The following B3GALT1 variants were observed in gnomAD, a reference collection of about 807,000 sequenced individuals.
B3GALT1 encodes the protein UDP-Gal:betaGlcNAc beta 1,3-galactosyltransferase, polypeptide 1.
B3GALT1 carries 10 observed loss-of-function variants against 23.2 expected under a neutral mutation model. The observed-to-expected ratio is 0.43, with a 90% confidence interval of 0.27 to 0.73. The LOEUF is 0.73. Ranked by LOEUF, B3GALT1 falls within the 30% of genes least tolerant of loss-of-function variation. The pLI is 0.21. For missense variants in B3GALT1, 299 were observed against 405.4 expected (o/e 0.74, Z 2.25); for synonymous variants, 156 against 141.5 (o/e 1.10, Z -0.73).
At chr2:167,771,525 C>T (rs1316949729) in intron 3 of B3GALT1, among the ~76,000 whole-genome samples, 3 of 152,252 alleles carry the variant, frequency 2.0e-5, no homozygotes, top group Admixed American at 1.3e-4. Context: ...GAGCCGAGAT[C>T]GCGCCATTGC....
chr2:167,672,735 A>G (rs976698439), intron 3 of B3GALT1, among the ~76,000 whole-genome samples: 4 of 152,188 alleles, frequency 2.6e-5, no homozygotes. Context: ...TGCCTGGTAC[A>G]TAGTAAGTGC....
chr2:167,787,670 C>T (rs1464743602), intron 3 of B3GALT1, among the ~76,000 whole-genome samples: 1 of 152,214 alleles, frequency 6.6e-6, no homozygotes, highest in Non-Finnish European at 1.5e-5. Context: ...TCTATGACCC[C>T]TATCCCAGCA....
chr2:167,640,053 T>C (rs929337077), intron 2 of B3GALT1, among the ~76,000 whole-genome samples: 1 of 152,250 alleles, frequency 6.6e-6, no homozygotes, highest in African/African-American at 2.4e-5. Context: ...CAGGCAATAG[T>C]TTTGTATAAT....
At chr2:167,864,061 T>C (rs1248028931) in intron 4 of B3GALT1, among the ~76,000 whole-genome samples, 1 of 151,992 alleles carries the variant, frequency 6.6e-6, no homozygotes, top group Non-Finnish European at 1.5e-5. Flanking sequence ...GAACCTGCAA[T>C]GTGTTTCTAA....
At chr2:167,707,859 A>G (rs1574224121) in intron 3 of B3GALT1, among the ~76,000 whole-genome samples, 1 of 152,250 alleles carries the variant, frequency 6.6e-6, no homozygotes, top group South Asian at 2.1e-4. Context: ...AACCTGCATT[A>G]TAATTATAAA....
At chr2:167,462,430 A>G (rs376457971) in intron 1 of B3GALT1, among the ~76,000 whole-genome samples, 27 of 152,334 alleles carry the variant, frequency 1.8e-4, no homozygotes, top group African/African-American at 6.5e-4. Context: ...CAAATGTAAT[A>G]AACGATTTCA....
chr2:167,625,564 C>T (rs1685326211), intron 2 of B3GALT1, among the ~76,000 whole-genome samples: 1 of 151,770 alleles, frequency 6.6e-6, no homozygotes, highest in African/African-American at 2.4e-5. Flanking sequence ...AATCAACCCA[C>T]ACCCTGATAT....
At chr2:167,642,433 T>C (rs1472988060) in intron 2 of B3GALT1, among the ~76,000 whole-genome samples, 1 of 152,184 alleles carries the variant, frequency 6.6e-6, no homozygotes, top group East Asian at 1.9e-4. Flanking sequence ...AATTTTATTT[T>C]CTGATTGCCT....
intron 2 of B3GALT1, among the ~76,000 whole-genome samples, chr2:167,514,358 A>G (rs943782579): frequency 6.6e-6 from 1 of 152,234 alleles, no homozygotes; most frequent in African/African-American, 2.4e-5. Context: ...AAATCATTGC[A>G]GTTTTCTATG....
At chr2:167,413,342 A>C (rs529750800) in intron 1 of B3GALT1, among the ~76,000 whole-genome samples, 1 of 152,166 alleles carries the variant, frequency 6.6e-6, no homozygotes, top group Admixed American at 6.5e-5. Flanking sequence ...TTGAGAGACG[A>C]AATTTCATTT....
chr2:167,873,168 ACT>A lies in B3GALT1; in HGVS notation c.*3151_*3152del, dbSNP rs1690384919. 2 of 151,816 alleles carry A rather than the reference ACT, an allele frequency of 1.3e-5. No homozygotes were observed. Among genetic ancestry groups the A allele is most frequent in the African/African-American group, 2.4e-5 (1 of 41,306 alleles). 9.4% of individuals were successfully genotyped at this position (151,816 alleles called of 1,614,324 possible). On this transcript the variant is annotated 3_prime_UTR_variant, in exon 5 of 5. Coordinates refer to ENST00000392690, the MANE Select transcript of B3GALT1 (RefSeq NM_020981.4). The stretch of plus-strand genomic sequence containing the variant: ...AGTCTCTCAGACAATTTTTACAAAA[ACT>A]CTTTTTTTCCATTATGCACTGGATA...
At chr2:167,531,719 G>A (rs372916397) in intron 2 of B3GALT1, among the ~76,000 whole-genome samples, 2 of 151,978 alleles carry the variant, frequency 1.3e-5, no homozygotes, top group East Asian at 1.9e-4. Flanking sequence ...ACTGAGAGTC[G>A]TGTTAACTAT....
chr2:167,621,560 T>C (rs762546614), intron 2 of B3GALT1, among the ~76,000 whole-genome samples: 1 of 152,104 alleles, frequency 6.6e-6, no homozygotes, highest in Non-Finnish European at 1.5e-5. Flanking sequence ...GGAAAACGTA[T>C]TACTTTAGCA....
rs1462400390 is a variant in B3GALT1 at position 167,867,042 on chromosome 2, T to C, written c.-229-1769T>C. 2.0e-5 allele frequency among the ~76,000 whole-genome samples: 3 copies of C among 151,954 alleles called. No homozygotes were observed. In the East Asian group the frequency reaches 5.8e-4, roughly 29 times the overall value. ...CCTGGATTCAGGCCATTCTCCTGCC[T>C]CAGCCTCCCGAGTAGCTGGGACTAC... On this transcript the variant is annotated intron_variant, in intron 4 of 4. Transcript: ENST00000392690.
intron 1 of B3GALT1, among the ~76,000 whole-genome samples, chr2:167,401,854 G>A (rs1341268317): frequency 6.6e-6 from 1 of 152,090 alleles, no homozygotes; most frequent in African/African-American, 2.4e-5. Context: ...ACAGTATTGA[G>A]GACAAGTTTG....
At chr2:167,833,680 G>C (rs1291501604) in intron 4 of B3GALT1, among the ~76,000 whole-genome samples, 1 of 152,134 alleles carries the variant, frequency 6.6e-6, no homozygotes, top group East Asian at 1.9e-4. Flanking sequence ...TCTAAACATA[G>C]TTACTATAAA....
At chr2:167,318,128 A>G (rs999709143) in intron 1 of B3GALT1, among the ~76,000 whole-genome samples, 1 of 151,938 alleles carries the variant, frequency 6.6e-6, no homozygotes, top group Non-Finnish European at 1.5e-5. Context: ...GAGTTTCAAG[A>G]CCAGCCTTGC....
intron 2 of B3GALT1, among the ~76,000 whole-genome samples, chr2:167,525,483 A>G (rs940838119): frequency 3.3e-5 from 5 of 152,132 alleles, no homozygotes; most frequent in African/African-American, 1.2e-4. Flanking sequence ...TTTCTCTCTC[A>G]CTTATATATT....
At chr2:167,726,675 G>T (rs986199021) in intron 3 of B3GALT1, among the ~76,000 whole-genome samples, 5 of 152,316 alleles carry the variant, frequency 3.3e-5, no homozygotes, top group African/African-American at 1.2e-4. Context: ...CCAGTTTACA[G>T]TTGAGGGAAT....
Sources: gnomAD v4.1 joint callset for allele counts (sites outside exome capture counted in the v4.1 genomes callset) on GRCh38, gnomAD v4.1.1 for gene constraint, MANE v1.5 for transcripts, NCBI Gene and HGNC (gene_info 2026-07-23, HGNC 2026-07-21) for gene names.